The following CPNE4 variants were observed in gnomAD, a reference collection of about 807,000 sequenced individuals.
The protein encoded by CPNE4 is copine 4.
CPNE4 carries 25 observed loss-of-function variants against 67.9 expected under a neutral mutation model. The ratio of observed to expected loss-of-function variants is 0.37; its 90% CI spans 0.27 to 0.51. The LOEUF (loss-of-function observed/expected upper bound fraction) is 0.51, where lower values mean the gene tolerates loss of function less well. Among genes scored for constraint, CPNE4 ranks in the 20% least tolerant of loss-of-function variants. CPNE4 has a pLI of 0.93. For missense variants in CPNE4, 464 were observed against 690.8 expected, an observed-to-expected ratio of 0.67 and a Z score of 3.68; for synonymous variants, 242 against 244.9, an observed-to-expected ratio of 0.99 and a Z score of 0.11.
At chr3:131,555,752 A>C (rs1164288506) in intron 11 of CPNE4, among the ~76,000 whole-genome samples, 1 of 152,012 alleles carries the variant, frequency 6.6e-6, no homozygotes, top group African/African-American at 2.4e-5. Context: ...CCTTAAGTTC[A>C]TTACAGTCAT....
intron 2 of CPNE4, among the ~76,000 whole-genome samples, chr3:131,817,558 A>G (rs560676597): frequency 6.6e-6 from 1 of 152,264 alleles, no homozygotes; most frequent in African/African-American, 2.4e-5. Context: ...ACCCTGTCCT[A>G]TGGAGATGTG....
intron 2 of CPNE4, among the ~76,000 whole-genome samples, chr3:131,805,076 G>A (rs974619666): frequency 2.0e-5 from 3 of 152,166 alleles, no homozygotes; most frequent in Non-Finnish European, 1.5e-5. Context: ...TTTGCCTTGA[G>A]TCAAACCAAC....
chr3:131,656,427 AG>A (rs2079968217), intron 7 of CPNE4, among the ~76,000 whole-genome samples: 2 of 152,168 alleles, frequency 1.3e-5, no homozygotes, highest in African/African-American at 4.8e-5. Context: ...AGTAGATAAG[AG>A]GGGTATTTTT....
At chr3:131,817,280 C>G (rs935813025) in intron 2 of CPNE4, among the ~76,000 whole-genome samples, 1 of 151,944 alleles carries the variant, frequency 6.6e-6, no homozygotes, top group South Asian at 2.1e-4. Context: ...GGCTTTATTG[C>G]GAAGGTAAGG....
intron 5 of CPNE4, among the ~76,000 whole-genome samples, chr3:131,695,641 A>G (rs1317021629): frequency 1.3e-5 from 2 of 152,232 alleles, no homozygotes; most frequent in Non-Finnish European, 2.9e-5. Context: ...GGAGCATAAC[A>G]GTTGTGAAAA....
At chr3:131,965,343 C>G (rs2072312542) in intron 1 of CPNE4, among the ~76,000 whole-genome samples, 1 of 152,176 alleles carries the variant, frequency 6.6e-6, no homozygotes, top group Admixed American at 6.5e-5. Context: ...CAGCTAGTAT[C>G]ATGATGACAA....
At chr3:131,816,359 CTG>C (rs2084742802) in intron 2 of CPNE4, among the ~76,000 whole-genome samples, 1 of 152,112 alleles carries the variant, frequency 6.6e-6, no homozygotes, top group Non-Finnish European at 1.5e-5. Context: ...CTTTCCTTGA[CTG>C]TGTTTTCTCC....
At chr3:131,776,524 G>T (rs181728296) in intron 2 of CPNE4, among the ~76,000 whole-genome samples, 1 of 152,140 alleles carries the variant, frequency 6.6e-6, no homozygotes, top group Non-Finnish European at 1.5e-5. Context: ...GATAAGAAGA[G>T]AGTGTGATTG....
At chr3:131,732,566 C>T (rs1263854894) in intron 2 of CPNE4, among the ~76,000 whole-genome samples, 1 of 152,200 alleles carries the variant, frequency 6.6e-6, no homozygotes, top group Non-Finnish European at 1.5e-5. Context: ...CTGCAAAGCT[C>T]CAGCTCTCCC....
intron 1 of CPNE4, among the ~76,000 whole-genome samples, chr3:131,943,756 A>G (rs899680268): frequency 2.6e-5 from 4 of 152,046 alleles, no homozygotes; most frequent in African/African-American, 9.7e-5. Flanking sequence ...CTTTCTTACT[A>G]TCCTCCACTG....
chr3:131,743,020 A>G (rs2082394817), intron 2 of CPNE4, among the ~76,000 whole-genome samples: 2 of 152,176 alleles, frequency 1.3e-5, no homozygotes, highest in Non-Finnish European at 2.9e-5. Flanking sequence ...CATCAACAAA[A>G]TCGAAGAGAA....
At chr3:131,952,263 T>C (rs531269488) in intron 1 of CPNE4, among the ~76,000 whole-genome samples, 2 of 150,368 alleles carry the variant, frequency 1.3e-5, no homozygotes, top group South Asian at 2.1e-4. Flanking sequence ...CGAACCCGTA[T>C]GGGAGGTGAA....
intron 1 of CPNE4, among the ~76,000 whole-genome samples, chr3:131,968,607 C>G (rs1172344493): frequency 1.3e-5 from 2 of 152,182 alleles, no homozygotes. Context: ...TGAAAAAAAG[C>G]TCATCATCAC....
intron 7 of CPNE4, among the ~76,000 whole-genome samples, chr3:131,612,452 T>G (rs1412186806): frequency 1.3e-5 from 2 of 152,182 alleles, no homozygotes; most frequent in Admixed American, 6.5e-5. Context: ...CACATGGCAA[T>G]TGGGCCTCTG....
At chr3:131,983,218 A>G (rs1225298306) in intron 1 of CPNE4, among the ~76,000 whole-genome samples, 2 of 152,146 alleles carry the variant, frequency 1.3e-5, no homozygotes, top group Admixed American at 6.6e-5. Flanking sequence ...TATTTGTCAA[A>G]GTTTATTGAA....
chr3:131,825,770 G>A (rs906425316), intron 2 of CPNE4, among the ~76,000 whole-genome samples: 2 of 152,170 alleles, frequency 1.3e-5, no homozygotes, highest in African/African-American at 4.8e-5. Flanking sequence ...AGTGATTTCT[G>A]AACATTCTGA....
intron 1 of CPNE4, among the ~76,000 whole-genome samples, chr3:131,983,753 G>A (rs2072968941): frequency 6.6e-6 from 1 of 152,154 alleles, no homozygotes; most frequent in African/African-American, 2.4e-5. Context: ...ACTCCAAGAT[G>A]TCAGAGACTG....
At chr3:131,604,766 TTATATA>T (rs146333280) in intron 7 of CPNE4, among the ~76,000 whole-genome samples, 2 of 151,252 alleles carry the variant, frequency 1.3e-5, no homozygotes, top group Non-Finnish European at 3.0e-5. Context: ...AAACTCCCCT[TTATATA>T]TATATATCTA....
At chr3:131,844,942 G>A (rs2085941485) in intron 2 of CPNE4, among the ~76,000 whole-genome samples, 1 of 152,158 alleles carries the variant, frequency 6.6e-6, no homozygotes, top group Non-Finnish European at 1.5e-5. Context: ...ATTACTATGA[G>A]CTATGAGCTT....
Sources: gnomAD v4.1 joint callset for allele counts (sites outside exome capture counted in the v4.1 genomes callset) on GRCh38, gnomAD v4.1.1 for gene constraint, MANE v1.5 for transcripts, NCBI Gene and HGNC (gene_info 2026-07-23, HGNC 2026-07-21) for gene names.